VGLL3: variants seen among roughly 807,000 people sequenced by gnomAD.
VGLL3 encodes vestigial like family member 3, also known as transcription cofactor vestigial-like protein 3.
Under a neutral mutation model 29.2 loss-of-function variants are expected in VGLL3, and 18 were observed. The ratio of observed to expected loss-of-function variants is 0.62; its 90% CI spans 0.43 to 0.91. The LOEUF is 0.91. Ranked by LOEUF, VGLL3 falls within the 40% of genes least tolerant of loss-of-function variation. The probability of loss-of-function intolerance (pLI) is 0.00; values close to 1 mark genes in which losing one functional copy is unlikely to be tolerated. For missense variants in VGLL3, 440 were observed against 413.2 expected (o/e 1.06, Z -0.56); for synonymous variants, 180 against 151.8 (o/e 1.19, Z -1.36).
chr3:86,941,755 G>A lies in VGLL3; in HGVS notation c.*5269C>T, dbSNP rs1055243307. On this transcript the variant is annotated 3_prime_UTR_variant, in exon 4 of 4. Coordinates refer to ENST00000398399, the MANE Select transcript of VGLL3 (RefSeq NM_016206.4). ...GACGATTTCTGTAGGTTGTAAAAGT[G>A]TACATGGTGCAATTCCCAGAGAGCA... The A allele has an allele frequency of 6.6e-6, 1 of 151,914 alleles. No homozygotes were observed. Among genetic ancestry groups the A allele is most frequent in the Non-Finnish European group, 1.5e-5 (1 of 67,972 alleles). 9.4% of individuals were successfully genotyped at this position (151,914 alleles called of 1,614,324 possible).
intron 1 of VGLL3, among the ~76,000 whole-genome samples, chr3:86,988,140 G>A (rs1705490743): frequency 6.6e-6 from 1 of 152,160 alleles, no homozygotes; most frequent in African/African-American, 2.4e-5. Flanking sequence ...ATTGAATACA[G>A]AAGTAATATA....
chr3:86,971,123 G>A (rs1705092253), intron 2 of VGLL3, among the ~76,000 whole-genome samples: 1 of 152,132 alleles, frequency 6.6e-6, no homozygotes, highest in African/African-American at 2.4e-5. Context: ...ATCTTAAGAA[G>A]TATTTTAAAA....
chr3:86,939,122 T>C lies in VGLL3; in HGVS notation c.*7902A>G, dbSNP rs2106938136. The C allele has an allele frequency of 6.6e-6, 1 of 152,304 alleles. No homozygotes were observed. The highest frequency in any genetic ancestry group is 6.5e-5 in the Admixed American group (1 of 15,308). 9.4% of individuals were successfully genotyped at this position (152,304 alleles called of 1,614,324 possible). On this transcript the variant is annotated 3_prime_UTR_variant, in exon 4 of 4. Transcript: ENST00000398399. ...GGAATTTTCTTTACATGCAATTATT[T>C]AATGAATGAAGATAAACCCCCACAC...
chr3:86,948,893 GT>G (rs1213349685), intron 3 of VGLL3, among the ~76,000 whole-genome samples: 1 of 152,108 alleles, frequency 6.6e-6, no homozygotes, highest in Non-Finnish European at 1.5e-5. Flanking sequence ...TGGTTTTCTG[GT>G]TAGAATAATT....
intron 2 of VGLL3, among the ~76,000 whole-genome samples, chr3:86,977,059 T>C (rs886068142): frequency 6.6e-6 from 1 of 152,216 alleles, no homozygotes; most frequent in African/African-American, 2.4e-5. Context: ...AGTAAGCCCA[T>C]ATTATTTACT....
intron 3 of VGLL3, among the ~76,000 whole-genome samples, chr3:86,957,385 T>C (rs1704745671): frequency 6.6e-6 from 1 of 152,344 alleles, no homozygotes; most frequent in Non-Finnish European, 1.5e-5. Flanking sequence ...TGCACCTCAA[T>C]TCTTCAGGAT....
chr3:86,982,924 A>C (rs1705357855), intron 1 of VGLL3, among the ~76,000 whole-genome samples: 1 of 152,208 alleles, frequency 6.6e-6, no homozygotes, highest in Non-Finnish European at 1.5e-5. Context: ...GCTAACTCAC[A>C]AAGAGGTTAA....
At chr3:86,966,680 A>G (rs1371416348) in intron 3 of VGLL3, among the ~76,000 whole-genome samples, 1 of 149,982 alleles carries the variant, frequency 6.7e-6, no homozygotes, top group Non-Finnish European at 1.5e-5. Flanking sequence ...TTAAGCAAGT[A>G]GTTTTCTGAG....
intron 3 of VGLL3, among the ~76,000 whole-genome samples, chr3:86,949,144 T>G (rs571210429): frequency 6.6e-6 from 1 of 152,318 alleles, no homozygotes; most frequent in South Asian, 2.1e-4. Flanking sequence ...AAAGGCAATT[T>G]CTTATTTGCT....
intron 3 of VGLL3, among the ~76,000 whole-genome samples, chr3:86,964,147 T>G (rs149212306): frequency 6.6e-6 from 1 of 152,154 alleles, no homozygotes; most frequent in Non-Finnish European, 1.5e-5. Context: ...GTGAGAAATA[T>G]ATAAAACTCA....
Position 86,941,898 on chromosome 3 carries a change from G to A in VGLL3, c.*5126C>T, listed in dbSNP as rs1473908677. 1 of 152,014 alleles carries A rather than the reference G, an allele frequency of 6.6e-6. No homozygotes were observed. Among genetic ancestry groups the A allele is most frequent in the Non-Finnish European group, 1.5e-5 (1 of 68,016 alleles). 9.4% of individuals were successfully genotyped at this position (152,014 alleles called of 1,614,324 possible). On this transcript the variant is annotated 3_prime_UTR_variant, in exon 4 of 4. Transcript: ENST00000398399. ...ACATTTTGAAGTTATTGAGACTGAG[G>A]TTTCCTTATGGACTCCACCCATGCC...
rs762486499 is a variant in VGLL3 at position 86,968,797 on chromosome 3, G to T, written c.730C>A (p.His244Asn). The change falls in exon 3 of 4, where the codon CAT (histidine) becomes AAT (asparagine). Residue 244 changes from histidine to asparagine, a missense_variant. Transcript: ENST00000398399. ...AHMHHRHRHHHHHHHPPAGSA... is the reference protein window; with the variant it reads ...AHMHHRHRHHNHHHHPPAGSA... Reference sequence around the variant, plus strand: ...CCAGCAGGAGGGTGGTGATGGTGATGATGGTGGCGGTGGCGGTGGTGCATG... The same window carrying T: ...CCAGCAGGAGGGTGGTGATGGTGATTATGGTGGCGGTGGCGGTGGTGCATG... The T allele has an allele frequency of 1.1e-5, 18 of 1,614,180 alleles. No individual in the cohort carries two copies. The highest frequency in any genetic ancestry group is 1.4e-5 in the Non-Finnish European group (16 of 1,180,028).
At chr3:86,962,243 T>C (rs1449544368) in intron 3 of VGLL3, 1 of 985,414 alleles carries the variant, frequency 1.0e-6, no homozygotes, top group Non-Finnish European at 1.2e-6. Flanking sequence ...CTGTATGTAA[T>C]ACCTGTTCAA....
At position 86,968,815 on chromosome 3, in the gene VGLL3, G is replaced by T. The variant is rs747636076; in HGVS notation, c.712C>A (p.His238Asn). ...TGGTGATGATGGTGGCGGTGGCGGT[G>T]GTGCATGTGGGCATGAGGGTGGTGG... is the stretch of plus-strand genomic sequence containing the variant. ...RHHHPHAHMHHRHRHHHHHHH... is the reference protein window; with the variant it reads ...RHHHPHAHMHNRHRHHHHHHH... The change falls in exon 3 of 4, where the codon CAC becomes AAC. Residue 238 changes from histidine to asparagine, a missense_variant. Transcript: ENST00000398399. 6.2e-7 allele frequency: 1 copy of T among 1,614,170 alleles called. No individual in the cohort carries two copies. The highest frequency in any genetic ancestry group is 1.7e-5 in the Admixed American group (1 of 60,026).
chr3:86,963,645 T>C (rs187636622), intron 3 of VGLL3, among the ~76,000 whole-genome samples: 201 of 152,362 alleles, frequency 1.3e-3, no homozygotes, highest in African/African-American at 4.7e-3. Context: ...CATCTTCTCT[T>C]ACATAGCTAG....
At chr3:86,949,754 G>A (rs1406054861) in intron 3 of VGLL3, among the ~76,000 whole-genome samples, 1 of 150,104 alleles carries the variant, frequency 6.7e-6, no homozygotes, top group African/African-American at 2.5e-5. Context: ...GTGAACCCGG[G>A]AGGCAGAGCT....
chr3:86,987,422 T>A (rs114425206), intron 1 of VGLL3, among the ~76,000 whole-genome samples: 1 of 152,184 alleles, frequency 6.6e-6, no homozygotes, highest in Non-Finnish European at 1.5e-5. Flanking sequence ...ATATACTCCA[T>A]TTTATATGAA....
At chr3:86,972,883 T>A (rs1046877790) in intron 2 of VGLL3, among the ~76,000 whole-genome samples, 3 of 151,638 alleles carry the variant, frequency 2.0e-5, no homozygotes, top group Non-Finnish European at 4.4e-5. Context: ...CACACATACA[T>A]ACACACGAGT....
rs1474055779 is a variant in VGLL3 at position 86,944,129 on chromosome 3, C to T, written c.*2895G>A. 2 of 152,164 alleles carry T rather than the reference C, an allele frequency of 1.3e-5. No individual in the cohort carries two copies. The highest frequency in any genetic ancestry group is 2.9e-5 in the Non-Finnish European group (2 of 68,018). The allele number at this position is 152,164 out of a possible 1,614,324, so 9.4% of individuals were successfully genotyped here. On this transcript the variant is annotated 3_prime_UTR_variant, in exon 4 of 4. Coordinates refer to ENST00000398399, the MANE Select transcript of VGLL3 (RefSeq NM_016206.4). ...TACAACCCATCCTCTTTTAGGACTT[C>T]TAACAGCAATATGGTCCTAGAAGAC...
Sources: gnomAD v4.1 joint callset for allele counts (sites outside exome capture counted in the v4.1 genomes callset) on GRCh38, gnomAD v4.1.1 for gene constraint, MANE v1.5 for transcripts, NCBI Gene and HGNC (gene_info 2026-07-23, HGNC 2026-07-21) for gene names.